SEC13: variants seen among roughly 807,000 people sequenced by gnomAD.
The protein encoded by SEC13 is SEC13 homolog, nuclear pore and COPII component.
A neutral mutation model predicts 49.2 loss-of-function variants in SEC13; 25 were observed. The observed-to-expected ratio is 0.51, with a 90% CI of 0.37 to 0.71. The LOEUF (loss-of-function observed/expected upper bound fraction) is 0.71. SEC13 is among the 30% of genes least tolerant of loss of function. SEC13 has a pLI of 0.00. For synonymous variants in SEC13, 148 were observed against 163.9 expected (o/e 0.90, Z 0.74); for missense variants, 383 against 417.6 (o/e 0.92, Z 0.72).
chr3:10,320,746 A>G (rs1187739729), intron 1 of SEC13: 7 of 1,280,484 alleles, frequency 5.5e-6, no homozygotes, highest in African/African-American at 1.6e-5. Flanking sequence ...AGGGCTCGGT[A>G]TACAGTAGCT....
intron 8 of SEC13, among the ~76,000 whole-genome samples, chr3:10,303,232 G>A (rs1363886937): frequency 1.3e-5 from 2 of 152,364 alleles, no homozygotes; most frequent in South Asian, 2.1e-4. Flanking sequence ...GAAGCAGCAA[G>A]GGCTGGCAGG....
At chr3:10,305,854 A>G (rs1232657535) in intron 5 of SEC13, 162 bp from the exon 6 acceptor site, 2 of 652,406 alleles carry the variant, frequency 3.1e-6, no homozygotes, top group Non-Finnish European at 2.5e-6. Context: ...ATTCTCCCTC[A>G]AGGATCCCAA....
chr3:10,304,401 TC>T (rs764175815), intron 7 of SEC13, among the ~76,000 whole-genome samples: 55 of 152,064 alleles, frequency 3.6e-4, no homozygotes, highest in Non-Finnish European at 5.9e-4. Context: ...GTGGACTCTG[TC>T]TGCATTGCTA....
intron 6 of SEC13, 151 bp downstream of exon 6, chr3:10,305,407 AG>A (rs754903058): frequency 4.5e-6 from 5 of 1,116,510 alleles, no homozygotes; most frequent in Non-Finnish European, 6.4e-6. Flanking sequence ...TTGTTTTTCA[AG>A]GATGTCCTCC....
chr3:10,320,495 G>A (rs747246983), intron 1 of SEC13: 55 of 985,240 alleles, frequency 5.6e-5, no homozygotes, highest in Non-Finnish European at 6.4e-5. Context: ...CGTTTCCCGA[G>A]GTGCCCATCC....
rs546069506 is a variant in SEC13 at position 10,303,976 on chromosome 3, G to C, written c.855+50C>G. The C allele has an allele frequency of 6.8e-6, 11 of 1,606,434 alleles. No individual in the cohort carries two copies. The East Asian group carries it at 8.9e-5, about 13-fold the overall frequency. ...TCAAGTGCCCTCTCTAGTGGGCGGG[G>C]TGAAGACCAACAGGCTGTGTCCACC... On this transcript the variant is annotated intron_variant, in intron 8 of 8. Transcript: ENST00000350697.
rs201127586 is a variant in SEC13 at position 10,312,608 on chromosome 3, C to T, written c.287G>A (p.Ser96Asn). 1.9e-5 allele frequency: 31 copies of T among 1,614,062 alleles called. No homozygotes were observed. The highest frequency in any genetic ancestry group is 2.4e-5 in the Non-Finnish European group (28 of 1,180,044). The change falls in exon 4 of 9, where the codon AGC becomes AAC. Residue 96 changes from serine to asparagine, a missense_variant. Transcript: ENST00000350697. ...GGAGTCGTGTCCCGCATGCTCGTGG[C>T]TCTTCTCCCAGGTGCCGTTTTCCTC... ...WREENGTWEK[S>N]HEHAGHDSSV...
intron 2 of SEC13, 90 bp from the exon 3 acceptor site, chr3:10,315,526 C>T: frequency 1.4e-6 from 1 of 705,828 alleles, no homozygotes; most frequent in Non-Finnish European, 2.4e-6. Context: ...CTAGTTTGGA[C>T]CAGAATCTCC....
intron 2 of SEC13, among the ~76,000 whole-genome samples, chr3:10,316,853 T>C (rs697229): frequency 0.13 from 20,364 of 151,784 alleles, 1,640 homozygotes; most frequent in East Asian, 0.41. Flanking sequence ...AATACAAAAT[T>C]AGCTGGGAGT....
At chr3:10,316,817 C>T (rs148010831) in intron 2 of SEC13, among the ~76,000 whole-genome samples, 1 of 152,064 alleles carries the variant, frequency 6.6e-6, no homozygotes, top group African/African-American at 2.4e-5. Flanking sequence ...GCCTGACCAA[C>T]ATGGAGAAAA....
chr3:10,316,464 G>A (rs1041394870), intron 2 of SEC13, among the ~76,000 whole-genome samples: 3 of 152,138 alleles, frequency 2.0e-5, no homozygotes, highest in Non-Finnish European at 4.4e-5. Flanking sequence ...GTTTCTTGGA[G>A]GGCAGGCAGT....
intron 5 of SEC13, among the ~76,000 whole-genome samples, chr3:10,309,380 G>A (rs899041195): frequency 6.6e-6 from 1 of 152,088 alleles, no homozygotes; most frequent in Admixed American, 6.5e-5. Context: ...TGACCTTTCT[G>A]CCTGTCTTTA....
intron 4 of SEC13, 123 bp downstream of exon 4, chr3:10,312,456 A>C: frequency 8.0e-7 from 1 of 1,255,336 alleles, no homozygotes; most frequent in Middle Eastern, 2.9e-4. Context: ...CAGAAAAGCC[A>C]ACCAAAGCTC....
rs1301844629 is a variant in SEC13 at position 10,320,874 on chromosome 3, T to TGG, written c.3+174_3+175dup. 15 of 1,396,736 alleles carry TGG rather than the reference T, an allele frequency of 1.1e-5. No individual in the cohort carries two copies. In the East Asian group the frequency reaches 2.9e-4, roughly 27 times the overall value. The allele number at this position is 1,396,736 out of a possible 1,614,324, so 86.5% of individuals were successfully genotyped here. A position where few individuals can be genotyped will look rare whatever the true frequency, so the allele number is the denominator to read the frequency against. On this transcript the variant is annotated intron_variant, in intron 1 of 8. Coordinates refer to ENST00000350697, the MANE Select transcript of SEC13 (RefSeq NM_183352.3). ...CAGGGAGGTTCCTCGGCCTCACCTCTGGACTCCCCTCGGAATGGTCCGCAA... is the reference window on the plus strand; with the variant it reads ...CAGGGAGGTTCCTCGGCCTCACCTCTGGGGACTCCCCTCGGAATGGTCCGCAA...
At position 10,301,304 on chromosome 3, in the gene SEC13, G is replaced by A. The variant is rs764279334; in HGVS notation, c.926C>T (p.Ser309Phe). The A allele has an allele frequency of 3.5e-5, 57 of 1,614,014 alleles. No individual in the cohort carries two copies. The highest frequency in any genetic ancestry group is 4.6e-5 in the Non-Finnish European group (54 of 1,180,044). Residue 309 changes from serine to phenylalanine, a missense_variant, in exon 9 of 9, where the codon TCC becomes TTC. Coordinates refer to ENST00000350697, the MANE Select transcript of SEC13 (RefSeq NM_183352.3). The part of the protein sequence containing the change: ...CISDVNKGQG[S>F]VSASVTEGQQ... ...GCCCTCTGTCACTGATGCTGATACG[G>A]AGCCCTGGCCCTTGTTGACATCACT...
At chr3:10,311,161 A>G (rs1477076007) in intron 5 of SEC13, among the ~76,000 whole-genome samples, 1 of 152,106 alleles carries the variant, frequency 6.6e-6, no homozygotes, top group Non-Finnish European at 1.5e-5. Context: ...TGTTCACTTC[A>G]ATGGTACGTC....
chr3:10,311,804 A>G, intron 5 of SEC13, 161 bp downstream of exon 5: 2 of 1,493,322 alleles, frequency 1.3e-6, no homozygotes, highest in African/African-American at 2.8e-5. Context: ...TTCAGGGCAG[A>G]GAGGCTCAAA....
chr3:10,305,298 C>G (rs1700802433), intron 6 of SEC13, 142 bp from the exon 7 acceptor site: 2 of 1,284,536 alleles, frequency 1.6e-6, no homozygotes, highest in Non-Finnish European at 1.0e-6. Context: ...ATTTTATTCC[C>G]TTCACCCCAG....
chr3:10,306,159 A>T (rs2629456), intron 5 of SEC13, among the ~76,000 whole-genome samples: 17,233 of 152,038 alleles, frequency 0.11, 1,354 homozygotes, highest in East Asian at 0.41. Context: ...GCACCCCTAG[A>T]TACTATAGTT....
Sources: gnomAD v4.1 joint callset for allele counts (sites outside exome capture counted in the v4.1 genomes callset) on GRCh38, gnomAD v4.1.1 for gene constraint, MANE v1.5 for transcripts, NCBI Gene and HGNC (gene_info 2026-07-23, HGNC 2026-07-21) for gene names.